Variants in SIL1 observed in about 807,000 individuals in gnomAD.
SIL1 encodes the protein SIL1 nucleotide exchange factor, also known as nucleotide exchange factor SIL1.
SIL1 carries 40 observed loss-of-function variants against 49.1 expected under a neutral mutation model. That is an observed-to-expected ratio of 0.81 (90% CI 0.63 to 1.06). The LOEUF is 1.06. Ranked by LOEUF, SIL1 falls within the 50% of genes least tolerant of loss-of-function variation. The pLI is 0.00. For missense variants in SIL1, 500 were observed against 572.6 expected, an observed-to-expected ratio of 0.87 and a Z score of 1.29; for synonymous variants, 253 against 250.8, an observed-to-expected ratio of 1.01 and a Z score of -0.08.
At chr5:139,050,326 G>T (rs1169202522) in intron 4 of SIL1, among the ~76,000 whole-genome samples, 1 of 151,982 alleles carries the variant, frequency 6.6e-6, no homozygotes, top group Non-Finnish European at 1.5e-5. Flanking sequence ...CCTCATTCAG[G>T]AAATATCAAG....
At chr5:139,038,255 T>C (rs918788551) in intron 5 of SIL1, among the ~76,000 whole-genome samples, 1 of 152,240 alleles carries the variant, frequency 6.6e-6, no homozygotes, top group African/African-American at 2.4e-5. Context: ...GTTCTTGGTA[T>C]GAAAAGTAAT....
At chr5:138,956,946 C>A (rs1766916487) in intron 7 of SIL1, among the ~76,000 whole-genome samples, 1 of 152,072 alleles carries the variant, frequency 6.6e-6, no homozygotes, top group African/African-American at 2.4e-5. Context: ...TCCATCTGGA[C>A]ACTGGGGAAA....
At chr5:139,101,986 T>G (rs1347861956) in intron 3 of SIL1, among the ~76,000 whole-genome samples, 1 of 152,184 alleles carries the variant, frequency 6.6e-6, no homozygotes, top group Non-Finnish European at 1.5e-5. Flanking sequence ...GAAAAGAGTT[T>G]GCCCTCGCTG....
intron 5 of SIL1, among the ~76,000 whole-genome samples, chr5:139,029,697 G>A (rs368106435): frequency 6.6e-6 from 1 of 151,482 alleles, no homozygotes; most frequent in African/African-American, 2.4e-5. Context: ...ATGGGGTTTC[G>A]CCATGTTGCC....
intron 3 of SIL1, among the ~76,000 whole-genome samples, chr5:139,060,226 G>A (rs915016730): frequency 3.3e-5 from 5 of 152,148 alleles, no homozygotes; most frequent in African/African-American, 1.2e-4. Context: ...GTGGTTCTAA[G>A]AGTCGGAGCT....
intron 7 of SIL1, among the ~76,000 whole-genome samples, chr5:138,998,302 C>T (rs533562598): frequency 1.3e-5 from 2 of 152,026 alleles, no homozygotes; most frequent in African/African-American, 2.4e-5. Flanking sequence ...TGAGTAGCTG[C>T]GACCACAGGC....
At chr5:139,123,786 G>A (rs1446182332) in intron 2 of SIL1, among the ~76,000 whole-genome samples, 2 of 152,194 alleles carry the variant, frequency 1.3e-5, no homozygotes, top group Admixed American at 6.5e-5. Flanking sequence ...TACTCCGCTG[G>A]TCTACCACTG....
At chr5:138,971,021 A>G (rs1362826512) in intron 7 of SIL1, among the ~76,000 whole-genome samples, 1 of 152,174 alleles carries the variant, frequency 6.6e-6, no homozygotes, top group Non-Finnish European at 1.5e-5. Context: ...TGTGAGTGGC[A>G]AGTCTAGATC....
chr5:139,145,629 C>CGTGTGTGTGTGTGTGT (rs57675583), intron 1 of SIL1, among the ~76,000 whole-genome samples: 1 of 142,644 alleles, frequency 7.0e-6, no homozygotes, highest in African/African-American at 2.6e-5. Flanking sequence ...GGTGTGGGGG[C>CGTGTGTGTGTGTGTGT]GTGTGTGTGT....
At chr5:139,111,444 A>G (rs749665963) in intron 3 of SIL1, among the ~76,000 whole-genome samples, 2 of 152,030 alleles carry the variant, frequency 1.3e-5, no homozygotes, top group Non-Finnish European at 2.9e-5. Context: ...CTTCCAACAT[A>G]CAGAAAACCT....
intron 7 of SIL1, 73 bp from the exon 8 acceptor site, chr5:138,951,957 AT>A: frequency 7.7e-7 from 1 of 1,294,980 alleles, no homozygotes; most frequent in Non-Finnish European, 1.1e-6. Context: ...AACTGAGCCC[AT>A]GTCAGCCATC....
intron 1 of SIL1, among the ~76,000 whole-genome samples, chr5:139,145,069 G>T (rs915866488): frequency 6.6e-6 from 1 of 152,238 alleles, no homozygotes; most frequent in Admixed American, 6.5e-5. Context: ...ACAAGGGAAT[G>T]AAACAAAATA....
intron 1 of SIL1, among the ~76,000 whole-genome samples, chr5:139,170,747 C>T (rs1751740420): frequency 6.6e-6 from 1 of 151,884 alleles, no homozygotes; most frequent in South Asian, 2.1e-4. Context: ...AGCGTCTCCG[C>T]CCGGCAGCCA....
intron 1 of SIL1, among the ~76,000 whole-genome samples, chr5:139,145,625 GGGGC>G (rs1751177002): frequency 1.8e-5 from 2 of 114,260 alleles, no homozygotes; most frequent in Non-Finnish European, 3.9e-5. Flanking sequence ...TGTGGGTGTG[GGGGC>G]GTGTGTGTGT....
At chr5:138,954,473 A>G (rs1766857979) in intron 7 of SIL1, among the ~76,000 whole-genome samples, 1 of 152,208 alleles carries the variant, frequency 6.6e-6, no homozygotes, top group African/African-American at 2.4e-5. Context: ...CCACAGCTTC[A>G]GGAGTTTCCT....
Position 138,987,698 on chromosome 5 carries a change from T to C in SIL1, c.767+33473A>G, listed in dbSNP as rs1490832982. Among the ~76,000 whole-genome samples the C allele has an allele frequency of 2.6e-5, 4 of 152,114 alleles. No homozygotes were observed. The East Asian group carries it at 5.8e-4, about 22-fold the overall frequency. ...AAATGGAGCCCTCTTACTACACCCA[T>C]CTCATCCCCTACCCTGAGGATAATC... On this transcript the variant is annotated intron_variant, in intron 7 of 9. Coordinates refer to ENST00000394817, the MANE Select transcript of SIL1 (RefSeq NM_022464.5).
At chr5:139,025,314 G>C (rs748931270) in intron 6 of SIL1, among the ~76,000 whole-genome samples, 8 of 152,152 alleles carry the variant, frequency 5.3e-5, no homozygotes, top group Non-Finnish European at 1.0e-4. Context: ...GGGTCAGACA[G>C]ACCTTGCTGC....
At chr5:139,073,989 G>T (rs1302304271) in intron 3 of SIL1, among the ~76,000 whole-genome samples, 1 of 152,072 alleles carries the variant, frequency 6.6e-6, no homozygotes, top group African/African-American at 2.4e-5. Context: ...CCAAAAATAT[G>T]ATAACTATGT....
At chr5:139,135,082 G>C (rs1750945568) in intron 1 of SIL1, among the ~76,000 whole-genome samples, 1 of 152,182 alleles carries the variant, frequency 6.6e-6, no homozygotes, top group Non-Finnish European at 1.5e-5. Context: ...GTAATAGTCA[G>C]GCAAACAAGC....
Sources: allele counts gnomAD v4.1 joint callset (sites outside exome capture counted in the v4.1 genomes callset), GRCh38; gene constraint gnomAD v4.1.1; transcripts MANE v1.5; gene names NCBI Gene and HGNC (gene_info 2026-07-23, HGNC 2026-07-21).